The following LRRTM4 variants were observed in gnomAD, a reference collection of about 807,000 sequenced individuals.
LRRTM4 encodes leucine rich repeat transmembrane neuronal 4.
A neutral mutation model predicts 47.6 loss-of-function variants in LRRTM4; 25 were observed. That is an observed-to-expected ratio of 0.53 (90% CI 0.38 to 0.73). The LOEUF is 0.73. Ranked by LOEUF, LRRTM4 falls within the 30% of genes least tolerant of loss-of-function variation. The pLI is 0.00. For synonymous variants in LRRTM4, 311 were observed against 269.5 expected, an observed-to-expected ratio of 1.15 and a Z score of -1.51; for missense variants, 638 against 713.4, an observed-to-expected ratio of 0.89 and a Z score of 1.20.
rs184116500 is a variant in LRRTM4, at chr2:77,127,713, A to C, written c.1552-378797T>G. 5.9e-5 allele frequency among the ~76,000 whole-genome samples: 9 copies of C among 152,352 alleles called. No individual in the cohort carries two copies. The East Asian group carries it at 1.7e-3, about 29-fold the overall frequency. ...TGTGACAAGAACAAGTCTCCTGAAA[A>C]AAACACATGCATGGTCTTGGAGTCA... On this transcript the variant is annotated intron_variant, in intron 3 of 3. Coordinates refer to ENST00000409884, the MANE Select transcript of LRRTM4 (RefSeq NM_001134745.3).
chr2:77,219,214 T>G (rs1187348456), intron 3 of LRRTM4, among the ~76,000 whole-genome samples: 1 of 152,208 alleles, frequency 6.6e-6, no homozygotes, highest in Non-Finnish European at 1.5e-5. Flanking sequence ...TCCATGAATA[T>G]GGATTTCGGA....
At chr2:77,239,711 G>A (rs1675205092) in intron 3 of LRRTM4, among the ~76,000 whole-genome samples, 1 of 151,804 alleles carries the variant, frequency 6.6e-6, no homozygotes, top group South Asian at 2.1e-4. Flanking sequence ...ATCCATCAAG[G>A]AGATATAATA....
chr2:76,937,322 G>A (rs1227961608), intron 3 of LRRTM4, among the ~76,000 whole-genome samples: 1 of 152,078 alleles, frequency 6.6e-6, no homozygotes, highest in Non-Finnish European at 1.5e-5. Flanking sequence ...ATCAGATATG[G>A]AGGAAAAATG....
intron 3 of LRRTM4, among the ~76,000 whole-genome samples, chr2:76,942,229 C>A (rs11896587): frequency 2.0e-5 from 3 of 151,936 alleles, no homozygotes; most frequent in East Asian, 1.9e-4. Context: ...GATGGATAGA[C>A]GGCAAAAATT....
At position 77,232,351 on chromosome 2, in the gene LRRTM4, T is replaced by G. The variant is rs545142150; in HGVS notation, c.1551+285967A>C. Among the ~76,000 whole-genome samples, 3 of 152,354 alleles carry G rather than the reference T, an allele frequency of 2.0e-5. No individual in the cohort carries two copies. In the East Asian group the frequency reaches 5.8e-4, roughly 29 times the overall value. ...AGTATTTCTTCCTAGGAACAGAGTTTGAGTCCTTAAATTCTACTTAACATG... is the reference window on the plus strand; with the variant it reads ...AGTATTTCTTCCTAGGAACAGAGTTGGAGTCCTTAAATTCTACTTAACATG... On this transcript the variant is annotated intron_variant, in intron 3 of 3. Coordinates refer to ENST00000409884, the MANE Select transcript of LRRTM4 (RefSeq NM_001134745.3).
chr2:77,091,918 G>A (rs1274842856), intron 3 of LRRTM4, among the ~76,000 whole-genome samples: 1 of 142,650 alleles, frequency 7.0e-6, no homozygotes, highest in African/African-American at 2.9e-5. Flanking sequence ...CCTGGGCATG[G>A]TTAGCGCGGT....
chr2:77,053,331 A>G (rs1679500420), intron 3 of LRRTM4, among the ~76,000 whole-genome samples: 1 of 152,182 alleles, frequency 6.6e-6, no homozygotes, highest in Non-Finnish European at 1.5e-5. Flanking sequence ...TAATAAGACA[A>G]CAATGCAGGA....
At chr2:76,936,508 C>A (rs761183509) in intron 3 of LRRTM4, among the ~76,000 whole-genome samples, 1 of 149,782 alleles carries the variant, frequency 6.7e-6, no homozygotes, top group Non-Finnish European at 1.5e-5. Context: ...ATGGTTGCAG[C>A]AATCCACCAT....
At chr2:76,822,628 G>A (rs1671084154) in intron 3 of LRRTM4, among the ~76,000 whole-genome samples, 1 of 151,354 alleles carries the variant, frequency 6.6e-6, no homozygotes, top group South Asian at 2.1e-4. Flanking sequence ...AATAAAATAC[G>A]CTAACCAGAA....
chr2:76,894,778 T>C (rs557086177), intron 3 of LRRTM4, among the ~76,000 whole-genome samples: 3 of 152,036 alleles, frequency 2.0e-5, no homozygotes, highest in South Asian at 2.1e-4. Flanking sequence ...TGTATATTTA[T>C]CACATATAAT....
chr2:77,437,345 A>T (rs1675643380), intron 3 of LRRTM4, among the ~76,000 whole-genome samples: 1 of 151,990 alleles, frequency 6.6e-6, no homozygotes, highest in South Asian at 2.1e-4. Context: ...CAGAGATTCA[A>T]CCCTCTAATG....
At chr2:77,475,189 C>A (rs566314104) in intron 3 of LRRTM4, among the ~76,000 whole-genome samples, 63 of 152,166 alleles carry the variant, frequency 4.1e-4, no homozygotes, top group Non-Finnish European at 7.8e-4. Context: ...TGTTTTGCAG[C>A]TGTAGCAACT....
chr2:77,159,284 C>A (rs1672643842), intron 3 of LRRTM4, among the ~76,000 whole-genome samples: 2 of 152,050 alleles, frequency 1.3e-5, no homozygotes, highest in South Asian at 4.1e-4. Context: ...GATAAACAGT[C>A]AGTTGATGAA....
chr2:77,197,357 TATA>T (rs1267938157), intron 3 of LRRTM4, among the ~76,000 whole-genome samples: 1 of 152,074 alleles, frequency 6.6e-6, no homozygotes, highest in African/African-American at 2.4e-5. Flanking sequence ...AAATTAGCCT[TATA>T]ATCTACACAT....
chr2:76,971,910 T>C (rs1351141538), intron 3 of LRRTM4, among the ~76,000 whole-genome samples: 2 of 152,096 alleles, frequency 1.3e-5, no homozygotes, highest in South Asian at 2.1e-4. Flanking sequence ...TTTGCTTCTC[T>C]ATAAAATGAG....
chr2:77,240,284 TAG>T (rs1260232400), intron 3 of LRRTM4, among the ~76,000 whole-genome samples: 1 of 151,842 alleles, frequency 6.6e-6, no homozygotes, highest in South Asian at 2.1e-4. Context: ...ATCAATGTGA[TAG>T]AGTAAAGAAG....
chr2:77,225,969 C>T (rs1028254806), intron 3 of LRRTM4, among the ~76,000 whole-genome samples: 2 of 151,230 alleles, frequency 1.3e-5, no homozygotes, highest in African/African-American at 2.4e-5. Context: ...ATTCTTACTG[C>T]GTGGTAGTAA....
intron 3 of LRRTM4, among the ~76,000 whole-genome samples, chr2:76,926,617 TGCAG>T (rs1255895241): frequency 6.6e-6 from 1 of 152,140 alleles, no homozygotes; most frequent in African/African-American, 2.4e-5. Flanking sequence ...AAGCTGGTAT[TGCAG>T]GAATGTTTTG....
At chr2:76,785,339 G>A (rs1674617378) in intron 3 of LRRTM4, among the ~76,000 whole-genome samples, 2 of 151,880 alleles carry the variant, frequency 1.3e-5, no homozygotes, top group African/African-American at 2.4e-5. Flanking sequence ...ATAATAAGAA[G>A]GATTAAGCAA....
Sources: gnomAD v4.1 joint callset for allele counts (sites outside exome capture counted in the v4.1 genomes callset) on GRCh38, gnomAD v4.1.1 for gene constraint, MANE v1.5 for transcripts, NCBI Gene and HGNC (gene_info 2026-07-23, HGNC 2026-07-21) for gene names.